The following PHF2 variants were observed in gnomAD, a reference collection of about 807,000 sequenced individuals.
PHF2 encodes PHD finger protein 2.
A neutral mutation model predicts 120.5 loss-of-function variants in PHF2; 27 were observed. The ratio of observed to expected loss-of-function variants is 0.22; its 90% CI spans 0.17 to 0.31. The LOEUF (loss-of-function observed/expected upper bound fraction) is 0.31. Among genes scored for constraint, PHF2 ranks in the 10% least tolerant of loss-of-function variants. The probability of loss-of-function intolerance (pLI) is 1.00; values close to 1 mark genes in which losing one functional copy is unlikely to be tolerated. For synonymous variants in PHF2, 568 were observed against 592.5 expected (o/e 0.96, Z 0.60); for missense variants, 1,024 against 1,434.8 (o/e 0.71, Z 4.63).
chr9:93,643,792 C>T (rs1027900902), intron 3 of PHF2, among the ~76,000 whole-genome samples: 8 of 152,260 alleles, frequency 5.3e-5, no homozygotes, highest in Admixed American at 3.9e-4. Context: ...TCAGATCTGT[C>T]CCTGTCCCCA....
chr9:93,614,408 C>G (rs930332705), intron 1 of PHF2, among the ~76,000 whole-genome samples: 3 of 152,120 alleles, frequency 2.0e-5, no homozygotes, highest in African/African-American at 7.2e-5. Context: ...GGCTTCTGTT[C>G]CCAGCTAGCT....
At chr9:93,673,961 C>G in intron 18 of PHF2, 99 bp downstream of exon 18, 2 of 1,300,246 alleles carry the variant, frequency 1.5e-6, no homozygotes, top group South Asian at 3.2e-5. Flanking sequence ...CTCCAAGTTA[C>G]AGCAGGCCTC....
At chr9:93,647,347 C>A (rs1193368289) in intron 4 of PHF2, among the ~76,000 whole-genome samples, 1 of 152,190 alleles carries the variant, frequency 6.6e-6, no homozygotes, top group Non-Finnish European at 1.5e-5. Flanking sequence ...GCGGGTGGGG[C>A]CTGGTTTTTC....
intron 17 of PHF2, among the ~76,000 whole-genome samples, 193 bp from the exon 18 acceptor site, chr9:93,673,392 A>C (rs1264802378): frequency 6.6e-6 from 1 of 152,074 alleles, no homozygotes; most frequent in Non-Finnish European, 1.5e-5. Context: ...GCAGAGCTGG[A>C]TGAGGGGAGT....
intron 1 of PHF2, among the ~76,000 whole-genome samples, chr9:93,577,618 T>C (rs997304212): frequency 6.6e-6 from 1 of 152,222 alleles, no homozygotes; most frequent in South Asian, 2.1e-4. Context: ...ACCTCCTCCC[T>C]GGCCTTCAGT....
Position 93,576,785 on chromosome 9 carries a change from G to T in PHF2, c.12G>T (p.Val4=), listed in dbSNP as rs765626492. Residue 4 remains valine, a synonymous_variant, in exon 1 of 22, where the codon GTG becomes GTT. Transcript: ENST00000359246. MAT[V]PVYCVCRLPY... The stretch of plus-strand genomic sequence containing the variant: ...CGCGGCGCGGCAACATGGCGACGGT[G>T]CCCGTGTACTGCGTCTGCCGGCTCC... 1 of 1,272,002 alleles carries T rather than the reference G, an allele frequency of 7.9e-7. No individual in the cohort carries two copies. Among genetic ancestry groups the T allele is most frequent in the Non-Finnish European group, 1.0e-6 (1 of 976,042 alleles). The allele number at this position is 1,272,002 out of a possible 1,614,324, so 78.8% of individuals were successfully genotyped here. A position where few individuals can be genotyped will look rare whatever the true frequency, so the allele number is the denominator to read the frequency against.
chr9:93,608,555 G>A (rs1825583565), intron 1 of PHF2, among the ~76,000 whole-genome samples: 1 of 152,108 alleles, frequency 6.6e-6, no homozygotes, highest in South Asian at 2.1e-4. Context: ...GAATTCACCA[G>A]TGGGTTCTGT....
rs1300461302 is a variant in PHF2 at position 93,658,148 on chromosome 9, C to T, written c.1151C>T (p.Ser384Phe). Residue 384 changes from serine (S) to phenylalanine (F), a missense_variant, in exon 10 of 22, where the codon TCT becomes TTT. Transcript: ENST00000359246. ...GKHLLEAFKG[S>F]HKSGKQLPPH... ...TCACCCAGTGTCTCCTTCCCAGGCT[C>T]TCACAAATCTGGGAAGCAGCTGCCC... 1 of 1,610,232 alleles carries T rather than the reference C, an allele frequency of 6.2e-7. No individual in the cohort carries two copies. The highest frequency in any genetic ancestry group is 8.5e-7 in the Non-Finnish European group (1 of 1,177,630).
intron 1 of PHF2, among the ~76,000 whole-genome samples, chr9:93,598,471 C>T: frequency 6.6e-6 from 1 of 152,126 alleles, no homozygotes. Context: ...CCATAAGTGG[C>T]AGTTTTGAGA....
chr9:93,577,528 G>A (rs1387715119), intron 1 of PHF2, among the ~76,000 whole-genome samples: 1 of 152,172 alleles, frequency 6.6e-6, no homozygotes, highest in Non-Finnish European at 1.5e-5. Flanking sequence ...GACCCGGCAG[G>A]CCTGCAGGTC....
Position 93,607,884 on chromosome 9 carries a change from A to T in PHF2, c.99-22086A>T, listed in dbSNP as rs115553851. On this transcript the variant is annotated intron_variant, in intron 1 of 21. Transcript: ENST00000359246. ...AATTGCTTATTAATCAGACCATAGC[A>T]GCATGTAATGGAGAGAGAGAAAGGG... 6.6e-3 allele frequency among the ~76,000 whole-genome samples: 1,000 copies of T among 151,298 alleles called. 13 individuals carry two copies. The highest frequency in any genetic ancestry group is 0.023 in the African/African-American group (966 of 41,248).
chr9:93,656,400 T>G lies in PHF2; in HGVS notation c.1041-89T>G. 1.1e-6 allele frequency: 1 copy of G among 941,464 alleles called. No homozygotes were observed. Among genetic ancestry groups the G allele is most frequent in the Non-Finnish European group, 1.7e-6 (1 of 587,280 alleles). The allele number at this position is 941,464 out of a possible 1,614,324, so 58.3% of individuals were successfully genotyped here. A position where few individuals can be genotyped will look rare whatever the true frequency, so the allele number is the denominator to read the frequency against. On this transcript the variant is annotated intron_variant, in intron 8 of 21. Coordinates refer to ENST00000359246, the MANE Select transcript of PHF2 (RefSeq NM_005392.4). The surrounding 1 kb of genome is among the most constrained non-coding windows in gnomAD (Gnocchi z 4.1). Reference sequence around the variant, plus strand: ...CTATGCAGGGCCCAGTGGGGAGGCCTGAGCTGGTGTGTCTGGGGCCTGGAT... The same window carrying G: ...CTATGCAGGGCCCAGTGGGGAGGCCGGAGCTGGTGTGTCTGGGGCCTGGAT...
At chr9:93,620,978 G>A (rs556481770) in intron 1 of PHF2, among the ~76,000 whole-genome samples, 8 of 152,360 alleles carry the variant, frequency 5.3e-5, no homozygotes, top group African/African-American at 1.2e-4. Context: ...CTGGATCCTC[G>A]TTAGGTGCTG....
At chr9:93,666,560 G>A (rs1436109667) in intron 16 of PHF2, among the ~76,000 whole-genome samples, 1 of 152,236 alleles carries the variant, frequency 6.6e-6, no homozygotes, top group Admixed American at 6.5e-5. Flanking sequence ...CCGTGTGTTG[G>A]CCATCCAGCC....
At chr9:93,652,322 T>G in intron 5 of PHF2, among the ~76,000 whole-genome samples, 3 of 137,112 alleles carry the variant, frequency 2.2e-5, no homozygotes, top group Non-Finnish European at 3.1e-5. Context: ...GGAGATGGAG[T>G]CTCACTCTGT....
intron 17 of PHF2, 26 bp from the exon 18 acceptor site, chr9:93,673,559 G>T: frequency 6.5e-7 from 1 of 1,533,558 alleles, no homozygotes; most frequent in South Asian, 1.3e-5. Context: ...GCACTGGGCT[G>T]AGTGCCTGTC....
intron 1 of PHF2, among the ~76,000 whole-genome samples, chr9:93,615,207 GATGGTGATGGTGATAGTA>G (rs1825709266): frequency 1.3e-5 from 2 of 151,034 alleles, no homozygotes; most frequent in South Asian, 2.1e-4. Flanking sequence ...TGATGATGGT[GATGGTGATGGTGATAGTA>G]ATGGTGATGG....
chr9:93,619,097 C>T (rs1444942550), intron 1 of PHF2, among the ~76,000 whole-genome samples: 1 of 151,954 alleles, frequency 6.6e-6, no homozygotes, highest in African/African-American at 2.4e-5. Flanking sequence ...GTGGATCACC[C>T]CCAGGCCTCA....
At chr9:93,666,990 C>T (rs1826693004) in intron 16 of PHF2, 90 bp from the exon 17 acceptor site, 1 of 1,023,286 alleles carries the variant, frequency 9.8e-7, no homozygotes, top group South Asian at 2.2e-5. Context: ...AGTTTAGTCC[C>T]TGAAGGGAAA....
Sources: gnomAD v4.1 joint callset for allele counts (sites outside exome capture counted in the v4.1 genomes callset) on GRCh38, gnomAD v4.1.1 for gene constraint, Gnocchi (gnomAD v3.1) non-coding constraint, MANE v1.5 for transcripts, NCBI Gene and HGNC (gene_info 2026-07-23, HGNC 2026-07-21) for gene names.